The following GIPC1 variants were observed in gnomAD, a reference collection of about 807,000 sequenced individuals.
GIPC1 encodes the protein GIPC PDZ domain containing family member 1.
A neutral mutation model predicts 28.5 loss-of-function variants in GIPC1; 15 were observed. That is an observed-to-expected ratio of 0.53 (90% CI 0.35 to 0.81). The LOEUF (loss-of-function observed/expected upper bound fraction) is 0.81, where lower values mean the gene tolerates loss of function less well. GIPC1 is among the 30% of genes least tolerant of loss of function. The pLI, the probability that GIPC1 is intolerant of heterozygous loss-of-function variation, is 0.01. For synonymous variants in GIPC1, 224 were observed against 206.1 expected, an observed-to-expected ratio of 1.09 and a Z score of -0.74; for missense variants, 439 against 481.9, an observed-to-expected ratio of 0.91 and a Z score of 0.83.
In GIPC1 at chr19:14,494,146, GA is replaced by G. The variant is rs200696779; in HGVS notation, c.-174-1235del. ...AGCTAATTTTCATATTTTTAGGAGA[GA>G]GGGGGTTTCACCATGTTGATCAGGC... On this transcript the variant is annotated intron_variant, in intron 1 of 8. Coordinates refer to ENST00000393033, the MANE Select transcript of GIPC1 (RefSeq NM_005716.4). Among the ~76,000 whole-genome samples the G allele has an allele frequency of 7.1e-3, 1,074 of 152,276 alleles. 12 individuals carry two copies. The highest frequency in any genetic ancestry group is 0.024 in the African/African-American group (1,012 of 41,524).
intron 3 of GIPC1, among the ~76,000 whole-genome samples, chr19:14,490,916 A>G (rs1319386136): frequency 5.3e-4 from 79 of 148,184 alleles, no homozygotes; most frequent in Non-Finnish European, 8.9e-4. Flanking sequence ...CGGAGCTTGC[A>G]GTGAGCCGAG....
At chr19:14,490,732 G>A (rs1171505333) in intron 3 of GIPC1, among the ~76,000 whole-genome samples, 1 of 152,022 alleles carries the variant, frequency 6.6e-6, no homozygotes, top group Non-Finnish European at 1.5e-5. Flanking sequence ...CCAGCACTTT[G>A]GGAGTCCAAG....
At position 14,480,586 on chromosome 19, in the gene GIPC1, C is replaced by G. The variant is rs780062328; in HGVS notation, c.474+7G>C. 4 of 1,613,282 alleles carry G rather than the reference C, an allele frequency of 2.5e-6. No individual in the cohort carries two copies. The South Asian group carries it at 3.3e-5, about 13-fold the overall frequency. On this transcript the variant is annotated splice_region_variant and intron_variant, in intron 5 of 8. Coordinates refer to ENST00000393033, the MANE Select transcript of GIPC1 (RefSeq NM_005716.4). ...AGGCCTCCGGGGTGCCCCGTCTCCC[C>G]AGGCACCTTGATGAAGGCGTAGCCA...
In GIPC1 at chr19:14,478,635, G is replaced by T. The variant is rs777110259; in HGVS notation, c.850+49C>A. ...GGACCAAGGGGCTCAGGGTGGATTC[G>T]GCCCCCAGCAGACCTAGATGCCCCC... On this transcript the variant is annotated intron_variant, in intron 8 of 8. Transcript: ENST00000393033. The surrounding 1 kb of genome is among the most constrained non-coding windows in gnomAD (Gnocchi z 5.2). 1.2e-6 allele frequency: 2 copies of T among 1,610,808 alleles called. No individual in the cohort carries two copies. Among genetic ancestry groups the T allele is most frequent in the African/African-American group, 1.3e-5 (1 of 74,926 alleles).
chr19:14,490,228 C>T (rs1014763366), intron 3 of GIPC1, among the ~76,000 whole-genome samples: 11 of 151,800 alleles, frequency 7.2e-5, no homozygotes, highest in East Asian at 5.8e-4. Flanking sequence ...AGGCCAGGCA[C>T]GGTGGTGGGC....
rs1332618589 is a variant in GIPC1, at chr19:14,478,664, C to T, written c.850+20G>A. The T allele has an allele frequency of 1.9e-6, 3 of 1,612,786 alleles. No homozygotes were observed. Among genetic ancestry groups the T allele is most frequent in the Non-Finnish European group, 2.5e-6 (3 of 1,178,904 alleles). ...CCCAGCAGACCTAGATGCCCCCTCC[C>T]CCAGGCAGCCCTCACTCACCCAGCT... On this transcript the variant is annotated intron_variant, in intron 8 of 8. Transcript: ENST00000393033. The surrounding 1 kb of genome is among the most constrained non-coding windows in gnomAD (Gnocchi z 5.2).
At chr19:14,492,663 T>G (rs2146494807) in intron 2 of GIPC1, among the ~76,000 whole-genome samples, 194 bp downstream of exon 2, 1 of 152,196 alleles carries the variant, frequency 6.6e-6, no homozygotes, top group Admixed American at 6.6e-5. Flanking sequence ...GATCCCTACA[T>G]CCTGACCACC....
intron 4 of GIPC1, 95 bp downstream of exon 4, chr19:14,482,594 G>T: frequency 8.0e-7 from 1 of 1,256,378 alleles, no homozygotes; most frequent in Non-Finnish European, 1.1e-6. Flanking sequence ...AGCATCTGCA[G>T]CTTCAGCATC....
In GIPC1 at chr19:14,478,625, G is replaced by A. The variant is rs2071655533; in HGVS notation, c.851-58C>T. The A allele has an allele frequency of 6.2e-7, 1 of 1,611,520 alleles. No homozygotes were observed. The highest frequency in any genetic ancestry group is 1.3e-5 in the African/African-American group (1 of 74,982). On this transcript the variant is annotated intron_variant, in intron 8 of 8. Coordinates refer to ENST00000393033, the MANE Select transcript of GIPC1 (RefSeq NM_005716.4). This position sits in a 1 kb window ranked among gnomAD's most constrained non-coding sequence, Gnocchi z 5.2. Reference sequence around the variant, plus strand: ...ATGACACCAGGGACCAAGGGGCTCAGGGTGGATTCGGCCCCCAGCAGACCT... The same window carrying A: ...ATGACACCAGGGACCAAGGGGCTCAAGGTGGATTCGGCCCCCAGCAGACCT...
chr19:14,492,329 C>T (rs1004493433), intron 2 of GIPC1, among the ~76,000 whole-genome samples: 3 of 150,358 alleles, frequency 2.0e-5, no homozygotes, highest in Non-Finnish European at 4.4e-5. Flanking sequence ...TTTTTTGAGA[C>T]GGAGTCTCGC....
intron 4 of GIPC1, 41 bp downstream of exon 4, chr19:14,482,648 C>G: frequency 6.3e-7 from 1 of 1,594,396 alleles, no homozygotes. Flanking sequence ...GACCTCTGGT[C>G]CACCATCAGG....
intron 3 of GIPC1, among the ~76,000 whole-genome samples, chr19:14,485,575 C>G (rs531886192): frequency 2.6e-5 from 4 of 151,158 alleles, no homozygotes; most frequent in African/African-American, 7.3e-5. Flanking sequence ...TGCTTGAACC[C>G]AGGAGACGAA....
At chr19:14,495,587 T>A (rs925912800) in intron 1 of GIPC1, among the ~76,000 whole-genome samples, 1 of 152,092 alleles carries the variant, frequency 6.6e-6, no homozygotes, top group African/African-American at 2.4e-5. Context: ...ACGGAAGCTC[T>A]CCAATAAATG....
At chr19:14,480,264 C>T (rs766606764) in intron 6 of GIPC1, 41 bp downstream of exon 6, 14 of 1,557,886 alleles carry the variant, frequency 9.0e-6, no homozygotes, top group Middle Eastern at 4.6e-4. Context: ...TGCGCCCATG[C>T]GAGCAGCGCC....
intron 4 of GIPC1, among the ~76,000 whole-genome samples, chr19:14,481,350 C>A (rs531898280): frequency 6.6e-6 from 1 of 152,204 alleles, no homozygotes; most frequent in East Asian, 1.9e-4. Flanking sequence ...CTCCAGTGAT[C>A]CCCCCATCTC....
Position 14,478,575 on chromosome 19 carries a change from G to C in GIPC1, c.851-8C>G. The C allele has an allele frequency of 6.2e-7, 1 of 1,613,990 alleles. No individual in the cohort carries two copies. The highest frequency in any genetic ancestry group is 1.1e-5 in the South Asian group (1 of 91,074). ...GCTCCACCATGGTGGCCGCTATTGG[G>C]GGAGGGGTCAGAACGGAGGCACAAA... On this transcript the variant is annotated splice_polypyrimidine_tract_variant and splice_region_variant and intron_variant, in intron 8 of 8. Coordinates refer to ENST00000393033, the MANE Select transcript of GIPC1 (RefSeq NM_005716.4). This position sits in a 1 kb window ranked among gnomAD's most constrained non-coding sequence, Gnocchi z 5.2.
In GIPC1 at chr19:14,482,938, A is replaced by AG. The variant is rs1480078395; in HGVS notation, c.38dup (p.Leu14SerfsTer5). On this transcript the variant is annotated frameshift_variant, in exon 4 of 9. Coordinates refer to ENST00000393033, the MANE Select transcript of GIPC1 (RefSeq NM_005716.4). LOFTEE classifies it high-confidence loss of function. The stretch of plus-strand genomic sequence containing the variant: ...GCTCAGCCTCCTCATTTTCCACTAG[A>AG]GGGGGCGCCTTTTTCCGCCGCCCCA... 1 of 1,611,640 alleles carries AG rather than the reference A, an allele frequency of 6.2e-7. No homozygotes were observed.
rs773369001 is a variant in GIPC1 at position 14,480,617 on chromosome 19, G to A, written c.450C>T (p.Asn150=). 1.3e-5 allele frequency: 21 copies of A among 1,614,160 alleles called. No homozygotes were observed. Among genetic ancestry groups the A allele is most frequent in the East Asian group, 1.1e-4 (5 of 44,880 alleles). ...CCTTGATGAAGGCGTAGCCAGCCCC[G>A]TTGTCCGTGATGGTGAGCCCGAGTG... is the stretch of plus-strand genomic sequence containing the variant. The part of the protein sequence containing the change: ...EDALGLTITD[N]GAGYAFIKRI... Residue 150 remains asparagine (N), a synonymous_variant, in exon 5 of 9, where the codon AAC becomes AAT. Coordinates refer to ENST00000393033, the MANE Select transcript of GIPC1 (RefSeq NM_005716.4).
chr19:14,480,987 T>C, intron 4 of GIPC1: 1 of 551,292 alleles, frequency 1.8e-6, no homozygotes, highest in Non-Finnish European at 3.2e-6. Flanking sequence ...CTTTCTCTTT[T>C]TGAGACAGGG....
Sources: allele counts gnomAD v4.1 joint callset (sites outside exome capture counted in the v4.1 genomes callset), GRCh38; gene constraint gnomAD v4.1.1; non-coding constraint Gnocchi (gnomAD v3.1); transcripts MANE v1.5; gene names NCBI Gene and HGNC (gene_info 2026-07-23, HGNC 2026-07-21).